The following PDE7A variants were observed in gnomAD, a reference collection of about 807,000 sequenced individuals.
The protein encoded by PDE7A is phosphodiesterase 7A.
Under a neutral mutation model 64.3 loss-of-function variants are expected in PDE7A, and 39 were observed. The ratio of observed to expected loss-of-function variants is 0.61; its 90% CI spans 0.47 to 0.79. The LOEUF (loss-of-function observed/expected upper bound fraction) is 0.79, where lower values mean the gene tolerates loss of function less well. Among genes scored for constraint, PDE7A ranks in the 30% least tolerant of loss-of-function variants. The pLI, the probability that PDE7A is intolerant of heterozygous loss-of-function variation, is 0.00. For synonymous variants in PDE7A, 203 were observed against 206.8 expected (o/e 0.98, Z 0.16); for missense variants, 470 against 582.8 (o/e 0.81, Z 1.99).
At chr8:65,762,432 A>G (rs746467750) in intron 3 of PDE7A, among the ~76,000 whole-genome samples, 2 of 152,192 alleles carry the variant, frequency 1.3e-5, no homozygotes, top group Non-Finnish European at 2.9e-5. Context: ...ATGGAGAGGC[A>G]GAGCAGCAAA....
At chr8:65,808,405 A>T (rs1810160554) in intron 1 of PDE7A, among the ~76,000 whole-genome samples, 1 of 152,210 alleles carries the variant, frequency 6.6e-6, no homozygotes, top group Non-Finnish European at 1.5e-5. Context: ...ACTAGAAAAA[A>T]GTCTCCAGTA....
At chr8:65,771,101 T>C (rs1251952336) in intron 3 of PDE7A, 1 of 326,160 alleles carries the variant, frequency 3.1e-6, no homozygotes, top group Non-Finnish European at 6.0e-6. Flanking sequence ...ATCTACATAA[T>C]AAAATGGTTG....
rs139958936 is a variant in PDE7A at position 65,804,829 on chromosome 8, G to A, written c.139-21986C>T. Among the ~76,000 whole-genome samples the A allele has an allele frequency of 5.8e-3, 869 of 149,882 alleles. 12 individuals are homozygous for A. The highest frequency in any genetic ancestry group is 0.021 in the African/African-American group (830 of 39,738). On this transcript the variant is annotated intron_variant, in intron 1 of 12. Coordinates refer to ENST00000401827, the MANE Select transcript of PDE7A (RefSeq NM_001242318.3). ...GCTGGGATTATAGGCATAAGCCACC[G>A]TGCCCAGCCAAGTTTTCTTTTATTT...
intron 1 of PDE7A, among the ~76,000 whole-genome samples, chr8:65,786,837 A>C (rs548305894): frequency 2.0e-5 from 3 of 152,176 alleles, no homozygotes; most frequent in Non-Finnish European, 4.4e-5. Context: ...TATAGGTCAA[A>C]ACATGGGCGA....
chr8:65,763,788 T>G (rs1392761237), intron 3 of PDE7A, among the ~76,000 whole-genome samples: 2 of 152,174 alleles, frequency 1.3e-5, no homozygotes, highest in Admixed American at 6.5e-5. Context: ...CCTTCAAAAC[T>G]TAACATACAA....
At chr8:65,808,492 T>C (rs979731151) in intron 1 of PDE7A, among the ~76,000 whole-genome samples, 1 of 152,192 alleles carries the variant, frequency 6.6e-6, no homozygotes, top group African/African-American at 2.4e-5. Context: ...ACAAACTGAT[T>C]ATAAAACATT....
At chr8:65,776,344 CTTAA>C (rs1481559313) in intron 3 of PDE7A, among the ~76,000 whole-genome samples, 2 of 152,084 alleles carry the variant, frequency 1.3e-5, no homozygotes, top group African/African-American at 4.8e-5. Context: ...ATCACCTTGA[CTTAA>C]TTATTATTGT....
intron 1 of PDE7A, among the ~76,000 whole-genome samples, chr8:65,827,644 A>AT (rs1810709857): frequency 6.6e-6 from 1 of 152,218 alleles, no homozygotes; most frequent in Non-Finnish European, 1.5e-5. Context: ...CCATAACATT[A>AT]TAACACTGTA....
At chr8:65,801,182 T>A (rs939174770) in intron 1 of PDE7A, among the ~76,000 whole-genome samples, 3 of 152,100 alleles carry the variant, frequency 2.0e-5, no homozygotes, top group African/African-American at 4.8e-5. Context: ...AAACAAAATC[T>A]GTGTTCCTAT....
At chr8:65,828,179 T>C (rs1484124229) in intron 1 of PDE7A, among the ~76,000 whole-genome samples, 10 of 152,068 alleles carry the variant, frequency 6.6e-5, no homozygotes, top group East Asian at 1.9e-4. Context: ...AGTAGGAAGA[T>C]GGTAAAAATT....
chr8:65,769,247 C>CAAAA (rs61554087), intron 3 of PDE7A, among the ~76,000 whole-genome samples: 30 of 74,450 alleles, frequency 4.0e-4, no homozygotes, highest in African/African-American at 9.7e-4. Flanking sequence ...GACTCAGTCT[C>CAAAA]AAAAAAAAAA....
At chr8:65,789,743 T>A (rs1428120431) in intron 1 of PDE7A, among the ~76,000 whole-genome samples, 1 of 152,248 alleles carries the variant, frequency 6.6e-6, no homozygotes, top group East Asian at 1.9e-4. Context: ...AGGCTGCAGA[T>A]AATACTGCTG....
At chr8:65,818,354 GTTT>G (rs563784649) in intron 1 of PDE7A, among the ~76,000 whole-genome samples, 1 of 151,908 alleles carries the variant, frequency 6.6e-6, no homozygotes, top group Non-Finnish European at 1.5e-5. Flanking sequence ...TTGCCATTTT[GTTT>G]TTTTGTTTAG....
At chr8:65,735,728 T>C (rs1360496928) in intron 6 of PDE7A, among the ~76,000 whole-genome samples, 2 of 152,122 alleles carry the variant, frequency 1.3e-5, no homozygotes, top group Non-Finnish European at 2.9e-5. Flanking sequence ...TGAGTTCAAG[T>C]GATCCTCCCG....
intron 5 of PDE7A, among the ~76,000 whole-genome samples, chr8:65,743,206 A>G (rs1807518668): frequency 6.6e-6 from 1 of 152,190 alleles, no homozygotes; most frequent in East Asian, 1.9e-4. Flanking sequence ...GATAATACCT[A>G]AAATAATATT....
intron 1 of PDE7A, among the ~76,000 whole-genome samples, chr8:65,811,787 C>T (rs190653676): frequency 1.3e-5 from 2 of 152,210 alleles, no homozygotes; most frequent in Admixed American, 1.3e-4. Flanking sequence ...GAATGATAAA[C>T]ATACACGCAA....
intron 1 of PDE7A, among the ~76,000 whole-genome samples, chr8:65,825,163 T>C (rs1472946115): frequency 6.6e-6 from 1 of 152,164 alleles, no homozygotes; most frequent in Non-Finnish European, 1.5e-5. Flanking sequence ...TTAATAGTGG[T>C]TATCTCTCAG....
intron 3 of PDE7A, among the ~76,000 whole-genome samples, chr8:65,759,575 G>A (rs1422803694): frequency 6.6e-6 from 1 of 152,212 alleles, no homozygotes; most frequent in Non-Finnish European, 1.5e-5. Flanking sequence ...GACTCTAAGT[G>A]TCCAATCAGG....
intron 4 of PDE7A, 67 bp from the exon 5 acceptor site, chr8:65,745,537 C>T: frequency 1.2e-6 from 1 of 853,032 alleles, no homozygotes; most frequent in South Asian, 1.5e-5. Flanking sequence ...GGAGATATTC[C>T]ATAGAGAAGT....
Sources: allele counts gnomAD v4.1 joint callset (sites outside exome capture counted in the v4.1 genomes callset), GRCh38; gene constraint gnomAD v4.1.1; transcripts MANE v1.5; gene names NCBI Gene and HGNC (gene_info 2026-07-23, HGNC 2026-07-21).